The following SEL1L3 variants were observed in gnomAD, a reference collection of about 807,000 sequenced individuals.
SEL1L3 encodes the protein protein sel-1 homolog 3.
SEL1L3 carries 76 observed loss-of-function variants against 142.8 expected under a neutral mutation model. That is an observed-to-expected ratio of 0.53 (90% confidence interval 0.44 to 0.64). The LOEUF is 0.64. Among genes scored for constraint, SEL1L3 ranks in the 30% least tolerant of loss-of-function variants. The probability of loss-of-function intolerance (pLI) is 0.00; values close to 1 mark genes in which losing one functional copy is unlikely to be tolerated. For synonymous variants in SEL1L3, 504 were observed against 519.6 expected, an observed-to-expected ratio of 0.97 and a Z score of 0.41; for missense variants, 1,262 against 1,381.7, an observed-to-expected ratio of 0.91 and a Z score of 1.37.
intron 7 of SEL1L3, among the ~76,000 whole-genome samples, chr4:25,820,578 C>CG (rs1218026501): frequency 6.6e-6 from 1 of 152,216 alleles, no homozygotes; most frequent in Non-Finnish European, 1.5e-5. Flanking sequence ...TAGAGGGTCA[C>CG]ACAGTTATTT....
At chr4:25,725,064 G>T in the SEL1L3 span, among the ~76,000 whole-genome samples, 2 of 152,082 alleles carry the variant, frequency 1.3e-5, no homozygotes, top group South Asian at 2.1e-4. Flanking sequence ...CCTGGGAGGT[G>T]GAGTATTCTC....
chr4:25,825,666 A>ATTTT lies in SEL1L3; in HGVS notation c.1158-3542_1158-3539dup, dbSNP rs33997941. On this transcript the variant is annotated intron_variant, in intron 6 of 23. Coordinates refer to ENST00000399878, the MANE Select transcript of SEL1L3 (RefSeq NM_015187.5). ...TTCTTCAGGGCCTGGTCTAAATTCTATTTTTTTTTTTTTTTTTTTTTTTTT... is the reference window on the plus strand; with the variant it reads ...TTCTTCAGGGCCTGGTCTAAATTCTATTTTTTTTTTTTTTTTTTTTTTTTTTTTT... Among the ~76,000 whole-genome samples the ATTTT allele has an allele frequency of 4.9e-4, 36 of 74,056 alleles. 2 individuals carry two copies. Among genetic ancestry groups the ATTTT allele is most frequent in the African/African-American group, 1.6e-3 (30 of 18,864 alleles). The allele number at this position is 74,056 out of a possible 152,430, so 48.6% of individuals were successfully genotyped here.
intron 1 of SEL1L3, among the ~76,000 whole-genome samples, chr4:25,850,663 G>GGA (rs1272395531): frequency 1.3e-5 from 2 of 152,184 alleles, no homozygotes; most frequent in African/African-American, 4.8e-5. Flanking sequence ...TGCAATTGCA[G>GGA]GAGATAGGGA....
At chr4:25,764,291 G>C (rs1473634366) in intron 20 of SEL1L3, among the ~76,000 whole-genome samples, 2 of 152,192 alleles carry the variant, frequency 1.3e-5, no homozygotes, top group African/African-American at 4.8e-5. Context: ...TCTAATGTGG[G>C]ATCCTGGATT....
intron 6 of SEL1L3, among the ~76,000 whole-genome samples, chr4:25,823,117 G>T (rs113020900): frequency 6.6e-6 from 1 of 152,208 alleles, no homozygotes; most frequent in Non-Finnish European, 1.5e-5. Flanking sequence ...GGGTGGTGGG[G>T]GGTTGGGATG....
At chr4:25,784,391 C>G (rs1711640240) in intron 13 of SEL1L3, 101 bp from the exon 14 acceptor site, 1 of 929,546 alleles carries the variant, frequency 1.1e-6, no homozygotes, top group Non-Finnish European at 1.7e-6. Context: ...AAATAAAACC[C>G]TAACTTTCTT....
In SEL1L3 at chr4:25,862,785, G is replaced by T. The variant is rs1318245101; in HGVS notation, c.52C>A (p.Pro18Thr). The change falls in exon 1 of 24, where the codon CCC becomes ACC. Residue 18 changes from proline to threonine, a missense_variant. This residue lies in a region of SEL1L3 where 689 missense variants were observed against 692.8 expected (regional missense o/e 0.99). Coordinates refer to ENST00000399878, the MANE Select transcript of SEL1L3 (RefSeq NM_015187.5). ...CGGGGGCCGACCGCGAGCGGCGGGGGTTGCTGCTGCTGCTGCCGCGGCCAC... is the reference window on the plus strand; with the variant it reads ...CGGGGGCCGACCGCGAGCGGCGGGGTTTGCTGCTGCTGCTGCCGCGGCCAC... ...LGWPRQQQQQ[P>T]PPLAVGPRAA... 5.0e-6 allele frequency: 6 copies of T among 1,190,228 alleles called. No homozygotes were observed. Among genetic ancestry groups the T allele is most frequent in the Admixed American group, 4.5e-5 (1 of 22,014 alleles). 73.7% of individuals were successfully genotyped at this position (1,190,228 alleles called of 1,614,324 possible). A position where few individuals can be genotyped will look rare whatever the true frequency, so the allele number is the denominator to read the frequency against.
intron 17 of SEL1L3, among the ~76,000 whole-genome samples, chr4:25,770,667 G>C (rs993581531): frequency 6.9e-6 from 1 of 145,670 alleles, no homozygotes; most frequent in Admixed American, 7.0e-5. Context: ...TTGAACCCAG[G>C]AGGCGGAGGT....
intron 1 of SEL1L3, 72 bp downstream of exon 1, chr4:25,862,603 C>A (rs1280391075): frequency 2.4e-6 from 2 of 820,946 alleles, no homozygotes; most frequent in Non-Finnish European, 1.6e-6. Context: ...TGGCGGGTGT[C>A]CCCGGCCGCC....
chr4:25,807,722 T>A (rs1713690811), intron 9 of SEL1L3, among the ~76,000 whole-genome samples: 1 of 152,092 alleles, frequency 6.6e-6, no homozygotes, highest in Non-Finnish European at 1.5e-5. Flanking sequence ...GAAACACTTG[T>A]CCTGCCGACC....
chr4:25,829,981 T>C, intron 6 of SEL1L3, 117 bp downstream of exon 6: 1 of 701,718 alleles, frequency 1.4e-6, no homozygotes, highest in Non-Finnish European at 2.5e-6. Context: ...GAATAATCCA[T>C]GCTTGGAAAA....
At chr4:25,799,827 T>A (rs1713054045) in intron 11 of SEL1L3, among the ~76,000 whole-genome samples, 1 of 152,136 alleles carries the variant, frequency 6.6e-6, no homozygotes, top group Admixed American at 6.5e-5. Flanking sequence ...AGTCAGAGAT[T>A]AAGGTCTGAG....
chr4:25,776,324 C>T lies in SEL1L3; in HGVS notation c.2622G>A (p.Leu874=). 1 of 1,612,154 alleles carries T rather than the reference C, an allele frequency of 6.2e-7. No homozygotes were observed. The highest frequency in any genetic ancestry group is 8.5e-7 in the Non-Finnish European group (1 of 1,179,016). ...AKHVAEKNGY[L]GHVIRKGLNA... The stretch of plus-strand genomic sequence containing the variant: ...TGAGGCCTTTGCGGATGACATGGCC[C>T]AAGTAGCCATTTTTCTCAGCTACAT... Residue 874 remains leucine (L), a synonymous_variant, in exon 17 of 24, where the codon TTG becomes TTA. Coordinates refer to ENST00000399878, the MANE Select transcript of SEL1L3 (RefSeq NM_015187.5).
the SEL1L3 span, chr4:25,719,818 G>A: frequency 4.6e-5 from 7 of 152,226 alleles, no homozygotes; most frequent in East Asian, 5.8e-4. Flanking sequence ...AAAGGCCCAC[G>A]GCAGCTTCGC....
chr4:25,782,548 T>A (rs184657306), intron 14 of SEL1L3, 130 bp from the exon 15 acceptor site: 5 of 797,166 alleles, frequency 6.3e-6, no homozygotes, highest in Admixed American at 2.9e-5. Context: ...TTGGAGCAGA[T>A]GGCATTAAAG....
chr4:25,744,681 G>A (rs113953600), downstream of SEL1L3, among the ~76,000 whole-genome samples: 1,231 of 152,244 alleles, frequency 8.1e-3, 22 homozygotes, highest in African/African-American at 0.028. Context: ...ATTAATTAGA[G>A]GCCAGGGGTA....
rs765819171 is a variant in SEL1L3 at position 25,784,261 on chromosome 4, A to T, written c.2247T>A (p.Leu749=). Residue 749 remains leucine (L), a synonymous_variant, in exon 14 of 24, where the codon CTT becomes CTA. Transcript: ENST00000399878. The stretch of plus-strand genomic sequence containing the variant: ...CTGCTTTCTTCATCAGCTCTAAGGC[A>T]AGCCGTCTGTTCTTTTTTACTCCTT... ...KGQGVKKNRR[L]ALELMKKAAS... 5 of 1,613,766 alleles carry T rather than the reference A, an allele frequency of 3.1e-6. No individual in the cohort carries two copies. The highest frequency in any genetic ancestry group is 4.2e-6 in the Non-Finnish European group (5 of 1,179,722).
chr4:25,863,395 T>C (rs369413809), upstream of SEL1L3: 8 of 692,898 alleles, frequency 1.2e-5, no homozygotes, highest in Non-Finnish European at 2.1e-5. Flanking sequence ...TCCCTTCCCA[T>C]CCTCTTCCTC....
At chr4:25,814,597 A>G (rs1426963021) in intron 9 of SEL1L3, among the ~76,000 whole-genome samples, 1 of 152,212 alleles carries the variant, frequency 6.6e-6, no homozygotes, top group African/African-American at 2.4e-5. Flanking sequence ...CCTGTTAACT[A>G]GAGTCATCTG....
Sources: allele counts gnomAD v4.1 joint callset (sites outside exome capture counted in the v4.1 genomes callset), GRCh38; gene constraint gnomAD v4.1.1; regional missense constraint gnomAD v4.1.1; transcripts MANE v1.5; gene names NCBI Gene and HGNC (gene_info 2026-07-23, HGNC 2026-07-21).